Variants in LBP observed in about 807,000 individuals in gnomAD.
The protein encoded by LBP is lipopolysaccharide binding protein.
Under a neutral mutation model 56.6 loss-of-function variants are expected in LBP, and 53 were observed. That is an observed-to-expected ratio of 0.94 (90% CI 0.75 to 1.18). The LOEUF (loss-of-function observed/expected upper bound fraction) is 1.18, where lower values mean the gene tolerates loss of function less well. Among genes scored for constraint, LBP ranks in the 50% most tolerant of loss-of-function variants. The probability of loss-of-function intolerance (pLI) is 0.00; values close to 1 mark genes in which losing one functional copy is unlikely to be tolerated. For synonymous variants in LBP, 227 were observed against 247.5 expected (o/e 0.92, Z 0.78); for missense variants, 601 against 598.3 (o/e 1.00, Z -0.05).
intron 1 of LBP, among the ~76,000 whole-genome samples, chr20:38,347,861 C>T (rs2076806356): frequency 6.6e-6 from 1 of 152,186 alleles, no homozygotes; most frequent in African/African-American, 2.4e-5. Context: ...GACCACATGT[C>T]TTCTCACATC....
rs201165716 is a variant in LBP at position 38,371,273 on chromosome 20, A to G, written c.1218-7A>G. 1.8e-4 allele frequency: 288 copies of G among 1,610,744 alleles called. No individual in the cohort carries two copies. Among genetic ancestry groups the G allele is most frequent in the Middle Eastern group, 8.3e-4 (5 of 6,056 alleles). Reference sequence around the variant, plus strand: ...CACACCTTTTAATCTTCTCTGATTCATTACAGGGTAAAAGTGGAACTGAAA... The same window carrying G: ...CACACCTTTTAATCTTCTCTGATTCGTTACAGGGTAAAAGTGGAACTGAAA... On this transcript the variant is annotated splice_region_variant and splice_polypyrimidine_tract_variant and intron_variant, in intron 11 of 14. Transcript: ENST00000217407.
At chr20:38,367,384 G>T (rs1725966328) in intron 9 of LBP, among the ~76,000 whole-genome samples, 1 of 152,128 alleles carries the variant, frequency 6.6e-6, no homozygotes, top group Admixed American at 6.5e-5. Flanking sequence ...AGGCTGCGAG[G>T]TTGAGGCTGC....
rs538412174 is a variant in LBP at position 38,374,723 on chromosome 20, T to C, written c.1401+710T>C. ...CTTCTAAATTTTAAGGTTGAAGAGC[T>C]TTATTATAAATACCTGTTTGGCATG... On this transcript the variant is annotated intron_variant, in intron 14 of 14. Coordinates refer to ENST00000217407, the MANE Select transcript of LBP (RefSeq NM_004139.5). Among the ~76,000 whole-genome samples the C allele has an allele frequency of 1.3e-5, 2 of 151,946 alleles. 1 individual carries two copies. Among genetic ancestry groups the C allele is most frequent in the South Asian group, 4.2e-4 (2 of 4,812 alleles).
intron 14 of LBP, 132 bp from the exon 15 acceptor site, chr20:38,376,493 G>A (rs534907697): frequency 5.4e-5 from 43 of 798,352 alleles, no homozygotes; most frequent in Non-Finnish European, 8.1e-5. Flanking sequence ...AGGCACACTC[G>A]CAATTTATGC....
chr20:38,364,133 C>G (rs2076872044), intron 7 of LBP, 67 bp downstream of exon 7: 1 of 1,057,230 alleles, frequency 9.5e-7, no homozygotes, highest in Admixed American at 1.8e-5. Flanking sequence ...CTTTGGGCCA[C>G]CTGTCCCCCC....
At chr20:38,372,538 A>C (rs1054910409) in intron 12 of LBP, among the ~76,000 whole-genome samples, 1 of 152,202 alleles carries the variant, frequency 6.6e-6, no homozygotes, top group African/African-American at 2.4e-5. Context: ...TTTAGATTCG[A>C]ATCCTGATGC....
At chr20:38,352,670 G>A (rs1437287479) in intron 3 of LBP, among the ~76,000 whole-genome samples, 5 of 152,146 alleles carry the variant, frequency 3.3e-5, no homozygotes, top group Non-Finnish European at 7.4e-5. Context: ...CAGGAGAACC[G>A]CTGTAGCCTG....
rs754077196 is a variant in LBP at position 38,369,157 on chromosome 20, A to T, written c.1144A>T (p.Ser382Cys). 1 of 1,613,774 alleles carries T rather than the reference A, an allele frequency of 6.2e-7. No individual in the cohort carries two copies. The highest frequency in any genetic ancestry group is 1.7e-5 in the Admixed American group (1 of 59,942). The change falls in exon 10 of 15, where the codon AGT (serine) becomes TGT (cysteine). Residue 382 changes from serine (S) to cysteine (C), a missense_variant. Coordinates refer to ENST00000217407, the MANE Select transcript of LBP (RefSeq NM_004139.5). ...SSSKEPVFRL[S>C]VATNVSATLT... ...CAGCAAGGAGCCTGTCTTCCGGCTC[A>T]GTGTGGTAAGGTTCAGAGCCTTTGC... is the stretch of plus-strand genomic sequence containing the variant.
At position 38,364,736 on chromosome 20, in the gene LBP, C is replaced by T. The variant is rs2122616174; in HGVS notation, c.905C>T (p.Ser302Phe). ...CATGAGGAAGGATATCTGAACTTCT[C>T]CATCACAGATGACATGGTGAGGATG... The part of the protein sequence containing the change: ...VYHEEGYLNF[S>F]ITDDMIPPDS... The change falls in exon 8 of 15, where the codon TCC becomes TTC. Residue 302 changes from serine to phenylalanine, a missense_variant. Transcript: ENST00000217407. The T allele has an allele frequency of 6.2e-7, 1 of 1,611,042 alleles. No homozygotes were observed. Among genetic ancestry groups the T allele is most frequent in the Middle Eastern group, 1.7e-4 (1 of 6,050 alleles).
In LBP at chr20:38,366,827, G is replaced by T. The variant is rs2232610; in HGVS notation, c.980G>T (p.Arg327Leu). ...TTKSFRPFVP[R>L]LARLYPNMNL... ...AAGTCCTTCCGACCCTTCGTCCCAC[G>T]GGTAAGGAGTCCCTTAGTTCCCCAT... Residue 327 changes from arginine (R) to leucine (L), a missense_variant and splice_region_variant, in exon 9 of 15, where the codon CGG becomes CTG. Coordinates refer to ENST00000217407, the MANE Select transcript of LBP (RefSeq NM_004139.5). 1 of 1,613,824 alleles carries T rather than the reference G, an allele frequency of 6.2e-7. No individual in the cohort carries two copies. Among genetic ancestry groups the T allele is most frequent in the Admixed American group, 1.7e-5 (1 of 60,000 alleles).
At chr20:38,347,932 G>T (rs760045979) in intron 1 of LBP, among the ~76,000 whole-genome samples, 6 of 152,234 alleles carry the variant, frequency 3.9e-5, no homozygotes, top group African/African-American at 7.2e-5. Context: ...AGATAGGGTT[G>T]TTGGGAGCCC....
At chr20:38,353,836 T>C (rs1670148197) in intron 3 of LBP, among the ~76,000 whole-genome samples, 1 of 152,192 alleles carries the variant, frequency 6.6e-6, no homozygotes, top group African/African-American at 2.4e-5. Context: ...TGTACTGCAT[T>C]TCCTGTTCAT....
At chr20:38,352,451 A>T (rs1285461594) in intron 3 of LBP, among the ~76,000 whole-genome samples, 1 of 152,186 alleles carries the variant, frequency 6.6e-6, no homozygotes, top group Non-Finnish European at 1.5e-5. Flanking sequence ...TTAAAAAACA[A>T]ACAAACAAAC....
chr20:38,375,074 G>A (rs572981591), intron 14 of LBP, among the ~76,000 whole-genome samples: 1 of 151,042 alleles, frequency 6.6e-6, no homozygotes. Flanking sequence ...TGGGATTACA[G>A]GCATGAGACA....
At chr20:38,374,950 A>ATTTTTTTTT (rs370110558) in intron 14 of LBP, among the ~76,000 whole-genome samples, 7,786 of 126,338 alleles carry the variant, frequency 0.062, 261 homozygotes, top group African/African-American at 0.094. Context: ...CTCCCAGCTA[A>ATTTTTTTTT]TTTTTTTTTT....
intron 8 of LBP, among the ~76,000 whole-genome samples, chr20:38,365,710 AAAAAAAAAT>A (rs1445251112): frequency 2.9e-3 from 123 of 42,742 alleles, no homozygotes; most frequent in African/African-American, 6.3e-3. Context: ...AAAAAAAAAA[AAAAAAAAAT>A]ATATATATAT....
intron 5 of LBP, among the ~76,000 whole-genome samples, chr20:38,359,604 A>C (rs1239363630): frequency 1.3e-5 from 2 of 152,196 alleles, no homozygotes; most frequent in African/African-American, 4.8e-5. Flanking sequence ...ACAACAAAAA[A>C]AAAAACTCTT....
At chr20:38,372,798 C>T (rs1457935669) in intron 12 of LBP, among the ~76,000 whole-genome samples, 2 of 152,066 alleles carry the variant, frequency 1.3e-5, no homozygotes, top group Admixed American at 1.3e-4. Context: ...AAAACATTCT[C>T]ACTGTAAATA....
chr20:38,364,112 G>C (rs1367116437), intron 7 of LBP, 46 bp downstream of exon 7: 1 of 1,341,438 alleles, frequency 7.5e-7, no homozygotes, highest in South Asian at 1.2e-5. Flanking sequence ...TTTCCCTCAG[G>C]GTCAGCCATT....
Sources: gnomAD v4.1 joint callset for allele counts (sites outside exome capture counted in the v4.1 genomes callset) on GRCh38, gnomAD v4.1.1 for gene constraint, MANE v1.5 for transcripts, NCBI Gene and HGNC (gene_info 2026-07-23, HGNC 2026-07-21) for gene names.